RALYL: variants seen among roughly 807,000 people sequenced by gnomAD.
RALYL encodes RALY RNA binding protein like.
Under a neutral mutation model 35.1 loss-of-function variants are expected in RALYL, and 29 were observed. That is an observed-to-expected ratio of 0.83 (90% CI 0.61 to 1.13). The LOEUF (loss-of-function observed/expected upper bound fraction) is 1.13, where lower values mean the gene tolerates loss of function less well. RALYL is among the 50% of genes most tolerant of loss of function. RALYL has a pLI of 0.00. For synonymous variants in RALYL, 120 were observed against 127.6 expected (o/e 0.94, Z 0.40); for missense variants, 359 against 360.4 (o/e 1.00, Z 0.03).
At chr8:84,502,356 A>G (rs185358094) in intron 1 of RALYL, among the ~76,000 whole-genome samples, 2 of 152,134 alleles carry the variant, frequency 1.3e-5, no homozygotes, top group East Asian at 3.9e-4. Flanking sequence ...ATGTAGTCTC[A>G]CTCTGCATGA....
At chr8:84,197,595 C>T (rs1407673815) in intron 1 of RALYL, among the ~76,000 whole-genome samples, 1 of 151,964 alleles carries the variant, frequency 6.6e-6, no homozygotes, top group African/African-American at 2.4e-5. Flanking sequence ...CCTTGATCTC[C>T]ATCCATTGAG....
intron 1 of RALYL, among the ~76,000 whole-genome samples, chr8:84,278,305 G>A (rs1323680712): frequency 2.0e-5 from 3 of 152,228 alleles, no homozygotes; most frequent in Admixed American, 6.5e-5. Context: ...AGAGTCTGGG[G>A]TACAGGGTGC....
chr8:84,233,080 T>C (rs1299925504), intron 1 of RALYL, among the ~76,000 whole-genome samples: 3 of 152,058 alleles, frequency 2.0e-5, no homozygotes, highest in African/African-American at 7.2e-5. Flanking sequence ...ACCCCTGGGC[T>C]CAAACGATCC....
chr8:84,810,917 A>G (rs762687170), intron 4 of RALYL, among the ~76,000 whole-genome samples: 2 of 152,064 alleles, frequency 1.3e-5, no homozygotes, highest in Non-Finnish European at 2.9e-5. Context: ...GGCAGCAGAG[A>G]GTTGATTGGT....
chr8:84,621,318 G>A (rs946164674), intron 2 of RALYL, among the ~76,000 whole-genome samples: 14 of 152,258 alleles, frequency 9.2e-5, no homozygotes, highest in African/African-American at 2.9e-4. Flanking sequence ...TTTTAAGCCC[G>A]TCGGAAAAGC....
chr8:84,604,322 G>T (rs1295643963), intron 2 of RALYL, among the ~76,000 whole-genome samples: 1 of 152,034 alleles, frequency 6.6e-6, no homozygotes, highest in African/African-American at 2.4e-5. Context: ...CTCGATTTTG[G>T]CTGCCTTTTG....
chr8:84,391,655 G>A (rs1448388171), intron 1 of RALYL, among the ~76,000 whole-genome samples: 1 of 152,000 alleles, frequency 6.6e-6, no homozygotes, highest in African/African-American at 2.4e-5. Context: ...TTTTGATATT[G>A]TAGGCATATT....
At chr8:84,540,697 A>G (rs2059964527) in intron 2 of RALYL, among the ~76,000 whole-genome samples, 1 of 152,000 alleles carries the variant, frequency 6.6e-6, no homozygotes, top group Admixed American at 6.5e-5. Flanking sequence ...ACTAGGAAGC[A>G]TTCCTACTTT....
At chr8:84,467,419 G>A (rs2051868940) in intron 1 of RALYL, among the ~76,000 whole-genome samples, 1 of 150,436 alleles carries the variant, frequency 6.6e-6, no homozygotes. Context: ...TCATTCAGGA[G>A]CAGATTGTTC....
chr8:84,338,174 C>A (rs977721742), intron 1 of RALYL, among the ~76,000 whole-genome samples: 1 of 151,564 alleles, frequency 6.6e-6, no homozygotes, highest in Admixed American at 6.6e-5. Flanking sequence ...AAAAAAAAAA[C>A]TTTATTTATA....
intron 2 of RALYL, among the ~76,000 whole-genome samples, chr8:84,722,742 AC>A (rs1844224748): frequency 6.8e-6 from 1 of 146,968 alleles, no homozygotes; most frequent in South Asian, 2.1e-4. Context: ...TATACATATC[AC>A]TCTAGCAATA....
At chr8:84,387,998 C>A (rs1211715030) in intron 1 of RALYL, among the ~76,000 whole-genome samples, 2 of 152,012 alleles carry the variant, frequency 1.3e-5, no homozygotes, top group South Asian at 2.1e-4. Flanking sequence ...TCCCCCTACA[C>A]CACGCCACAC....
chr8:84,783,508 TCTAA>T (rs1166987951), intron 3 of RALYL, among the ~76,000 whole-genome samples: 2 of 152,306 alleles, frequency 1.3e-5, no homozygotes, highest in East Asian at 1.9e-4. Flanking sequence ...GATCCTTCAT[TCTAA>T]CTGTTTCTGG....
intron 2 of RALYL, among the ~76,000 whole-genome samples, chr8:84,635,275 G>A (rs558801855): frequency 1.5e-4 from 23 of 151,698 alleles, no homozygotes; most frequent in Non-Finnish European, 2.4e-4. Context: ...GGTAAAATAA[G>A]TCCAATTATC....
At chr8:84,284,468 T>C (rs1400001782) in intron 1 of RALYL, among the ~76,000 whole-genome samples, 1 of 152,208 alleles carries the variant, frequency 6.6e-6, no homozygotes, top group Non-Finnish European at 1.5e-5. Flanking sequence ...ACTAGCACAC[T>C]TCTAGCTAAG....
chr8:84,905,892 A>T (rs899616178), intron 8 of RALYL, among the ~76,000 whole-genome samples: 3 of 152,026 alleles, frequency 2.0e-5, no homozygotes, highest in African/African-American at 7.2e-5. Flanking sequence ...CTATAAGAAC[A>T]CTGGAACCTT....
intron 1 of RALYL, among the ~76,000 whole-genome samples, chr8:84,336,099 T>C (rs1028964202): frequency 2.6e-5 from 4 of 152,158 alleles, no homozygotes; most frequent in Non-Finnish European, 5.9e-5. Flanking sequence ...TTTTTGGGGA[T>C]TGATTACAAT....
chr8:84,821,854 T>A (rs562969491), intron 4 of RALYL, among the ~76,000 whole-genome samples: 6 of 152,310 alleles, frequency 3.9e-5, no homozygotes, highest in African/African-American at 1.4e-4. Context: ...TATTTTGGCA[T>A]GCTAACTAAG....
At chr8:84,526,394 A>G (rs1426503807) in intron 1 of RALYL, among the ~76,000 whole-genome samples, 2 of 152,086 alleles carry the variant, frequency 1.3e-5, no homozygotes, top group African/African-American at 2.4e-5. Flanking sequence ...TGGAATCTTT[A>G]ATCTCCATTA....
Sources: allele counts gnomAD v4.1 joint callset (sites outside exome capture counted in the v4.1 genomes callset), GRCh38; gene constraint gnomAD v4.1.1; transcripts MANE v1.5; gene names NCBI Gene and HGNC (gene_info 2026-07-23, HGNC 2026-07-21).